Variants in CDKAL1 observed in about 807,000 individuals in gnomAD.
CDKAL1 encodes the protein threonylcarbamoyladenosine tRNA methylthiotransferase.
A neutral mutation model predicts 68.2 loss-of-function variants in CDKAL1; 32 were observed. The observed-to-expected ratio is 0.47, with a 90% confidence interval of 0.35 to 0.63. The LOEUF is 0.63. CDKAL1 is among the 30% of genes least tolerant of loss of function. The pLI is 0.00. For missense variants in CDKAL1, 606 were observed against 696.7 expected, an observed-to-expected ratio of 0.87 and a Z score of 1.47; for synonymous variants, 234 against 244.3, an observed-to-expected ratio of 0.96 and a Z score of 0.39.
chr6:20,638,531 C>T (rs1282499408), intron 4 of CDKAL1, among the ~76,000 whole-genome samples: 2 of 151,872 alleles, frequency 1.3e-5, no homozygotes, highest in Non-Finnish European at 2.9e-5. Context: ...GTGAAGGGCC[C>T]TGGAAAGTCC....
intron 5 of CDKAL1, among the ~76,000 whole-genome samples, chr6:20,730,674 G>A (rs189655030): frequency 8.6e-5 from 13 of 151,688 alleles, no homozygotes; most frequent in South Asian, 8.3e-4. Context: ...GTAAAACCCC[G>A]TCTCTACTAA....
intron 15 of CDKAL1, among the ~76,000 whole-genome samples, chr6:21,216,822 A>T (rs1165898832): frequency 1.3e-5 from 2 of 152,128 alleles, no homozygotes; most frequent in East Asian, 3.9e-4. Context: ...CTTACATCAC[A>T]TCAGCTGTGA....
intron 4 of CDKAL1, among the ~76,000 whole-genome samples, chr6:20,623,031 T>C (rs1053575445): frequency 2.0e-5 from 3 of 152,264 alleles, no homozygotes; most frequent in Admixed American, 1.3e-4. Flanking sequence ...TGACTAATTA[T>C]ATTGTTTTTG....
At chr6:20,862,526 G>A (rs990937673) in intron 9 of CDKAL1, among the ~76,000 whole-genome samples, 5 of 152,166 alleles carry the variant, frequency 3.3e-5, no homozygotes, top group Non-Finnish European at 4.4e-5. Context: ...TATTATTACT[G>A]TTCTTAATGA....
chr6:20,972,173 A>G (rs1159340753), intron 10 of CDKAL1, among the ~76,000 whole-genome samples: 1 of 152,194 alleles, frequency 6.6e-6, no homozygotes, highest in African/African-American at 2.4e-5. Flanking sequence ...TGCTGTAAAT[A>G]ATACAGTGTA....
chr6:21,191,166 C>G (rs553362542), intron 13 of CDKAL1, among the ~76,000 whole-genome samples: 1 of 152,332 alleles, frequency 6.6e-6, no homozygotes, highest in African/African-American at 2.4e-5. Flanking sequence ...AATTCTGTTT[C>G]TCTCTTTATA....
At chr6:20,745,489 A>G (rs1397491415) in intron 6 of CDKAL1, among the ~76,000 whole-genome samples, 1 of 152,096 alleles carries the variant, frequency 6.6e-6, no homozygotes, top group Non-Finnish European at 1.5e-5. Flanking sequence ...TAGTATTGTG[A>G]GAGAATGACA....
intron 4 of CDKAL1, among the ~76,000 whole-genome samples, chr6:20,587,040 G>A (rs1189380075): frequency 2.7e-5 from 4 of 148,534 alleles, no homozygotes; most frequent in African/African-American, 1.0e-4. Context: ...AGGCTGGAGG[G>A]CAATGGCAAG....
intron 7 of CDKAL1, 30 bp downstream of exon 7, chr6:20,758,673 T>A: frequency 2.6e-6 from 4 of 1,564,392 alleles, no homozygotes; most frequent in Non-Finnish European, 3.5e-6. Context: ...TAAACAGATG[T>A]ATATATTTTC....
At chr6:21,156,794 C>T (rs1394280609) in intron 13 of CDKAL1, among the ~76,000 whole-genome samples, 1 of 151,970 alleles carries the variant, frequency 6.6e-6, no homozygotes, top group Non-Finnish European at 1.5e-5. Flanking sequence ...CAGAGAGATC[C>T]CTAGGAGCAA....
chr6:20,748,554 G>GAAAAAAAAAAAAAAAAAAAAAAAA (rs1773762406), intron 6 of CDKAL1, among the ~76,000 whole-genome samples: 2 of 77,106 alleles, frequency 2.6e-5, no homozygotes, highest in African/African-American at 9.5e-5. Flanking sequence ...CTCTGTTTCT[G>GAAAAAAAAAAAAAAAAAAAAAAAA]GAAAAAAAAA....
chr6:20,710,632 T>C (rs1771802741), intron 5 of CDKAL1, among the ~76,000 whole-genome samples: 1 of 152,204 alleles, frequency 6.6e-6, no homozygotes. Flanking sequence ...GTTTGAATTA[T>C]TTAAATAAAA....
chr6:20,648,283 C>T (rs939997722), intron 4 of CDKAL1, among the ~76,000 whole-genome samples: 2 of 151,722 alleles, frequency 1.3e-5, no homozygotes, highest in Non-Finnish European at 2.9e-5. Context: ...ATGCCCGCCA[C>T]CACACCCGGC....
intron 10 of CDKAL1, among the ~76,000 whole-genome samples, chr6:20,997,155 C>T (rs1767166026): frequency 6.6e-6 from 1 of 152,120 alleles, no homozygotes; most frequent in African/African-American, 2.4e-5. Flanking sequence ...TTGTAGCAGC[C>T]TTGTAGCATT....
chr6:20,939,341 A>G (rs2150692431), intron 9 of CDKAL1, among the ~76,000 whole-genome samples: 1 of 152,318 alleles, frequency 6.6e-6, no homozygotes, highest in Admixed American at 6.5e-5. Flanking sequence ...GAACCTTTCT[A>G]GGACCTCAGC....
intron 14 of CDKAL1, among the ~76,000 whole-genome samples, chr6:21,198,838 C>T (rs79079238): frequency 5.3e-5 from 8 of 152,274 alleles, no homozygotes; most frequent in Non-Finnish European, 1.2e-4. Flanking sequence ...TCTACTCCTC[C>T]AGGTGGGAGA....
chr6:20,904,662 G>T (rs1762153533), intron 9 of CDKAL1, among the ~76,000 whole-genome samples: 1 of 152,094 alleles, frequency 6.6e-6, no homozygotes, highest in Admixed American at 6.6e-5. Context: ...GGTGGCACAT[G>T]CCTGTAATCC....
chr6:20,669,827 G>A (rs73732727), intron 5 of CDKAL1, among the ~76,000 whole-genome samples: 14,107 of 152,002 alleles, frequency 0.093, 2,100 homozygotes, highest in African/African-American at 0.32. Context: ...TGAAGAAACC[G>A]CAATCTGGGC....
At chr6:20,913,688 A>AT (rs1362382007) in intron 9 of CDKAL1, among the ~76,000 whole-genome samples, 2 of 152,170 alleles carry the variant, frequency 1.3e-5, no homozygotes, top group African/African-American at 4.8e-5. Flanking sequence ...GTCACCCCAG[A>AT]TTTATAGAGT....
Sources: allele counts gnomAD v4.1 joint callset (sites outside exome capture counted in the v4.1 genomes callset), GRCh38; gene constraint gnomAD v4.1.1; transcripts MANE v1.5; gene names NCBI Gene and HGNC (gene_info 2026-07-23, HGNC 2026-07-21).